Variants in ARHGEF38 observed in about 807,000 individuals in gnomAD.
ARHGEF38 encodes Rho guanine nucleotide exchange factor 38.
ARHGEF38 carries 79 observed loss-of-function variants against 79.9 expected under a neutral mutation model. The observed-to-expected ratio is 0.99, with a 90% CI of 0.82 to 1.19. The LOEUF is 1.19. Ranked by LOEUF, ARHGEF38 falls within the 50% of genes most tolerant of loss-of-function variation. The pLI, the probability that ARHGEF38 is intolerant of heterozygous loss-of-function variation, is 0.00. For synonymous variants in ARHGEF38, 366 were observed against 328.3 expected (o/e 1.11, Z -1.24); for missense variants, 962 against 907.2 (o/e 1.06, Z -0.78).
chr4:105,672,998 T>C (rs1248424347), intron 13 of ARHGEF38, among the ~76,000 whole-genome samples: 1 of 152,116 alleles, frequency 6.6e-6, no homozygotes, highest in Non-Finnish European at 1.5e-5. Context: ...AGAGGAGGCC[T>C]GAATGCACTT....
chr4:105,595,692 T>A (rs1727549012), intron 2 of ARHGEF38, among the ~76,000 whole-genome samples: 1 of 152,034 alleles, frequency 6.6e-6, no homozygotes, highest in Non-Finnish European at 1.5e-5. Flanking sequence ...AATGCAATGG[T>A]TACATTTACA....
Position 105,648,620 on chromosome 4 carries a change from A to G in ARHGEF38, c.946A>G (p.Ile316Val), listed in dbSNP as rs1729954251. 1.3e-6 allele frequency: 2 copies of G among 1,533,536 alleles called. No individual in the cohort carries two copies. The highest frequency in any genetic ancestry group is 1.4e-5 in the African/African-American group (1 of 73,084). 95.0% of individuals were successfully genotyped at this position (1,533,536 alleles called of 1,614,324 possible). ...ATTGTCTAAACTAAATATTCATTCA[A>G]TTAGCAAGAAATCAAAAAGAGTGAC... ...DKLSKLNIHSISKKSKRVTNH... is the reference protein window; with the variant it reads ...DKLSKLNIHSVSKKSKRVTNH... The change falls in exon 7 of 14, where the codon ATT (isoleucine) becomes GTT (valine). Residue 316 changes from isoleucine to valine, a missense_variant. Ile to Val is a conservative substitution (Grantham distance 29). Transcript: ENST00000420470.
intron 10 of ARHGEF38, among the ~76,000 whole-genome samples, chr4:105,661,965 A>G (rs964571413): frequency 1.3e-5 from 2 of 152,152 alleles, no homozygotes; most frequent in African/African-American, 2.4e-5. Flanking sequence ...TGTAGGACAG[A>G]TTTATAGAAA....
At chr4:105,609,240 A>G (rs1728183047) in intron 2 of ARHGEF38, among the ~76,000 whole-genome samples, 1 of 152,056 alleles carries the variant, frequency 6.6e-6, no homozygotes, top group Non-Finnish European at 1.5e-5. Context: ...AGAACCATGC[A>G]TTGAAAAGAC....
chr4:105,563,414 G>C (rs1725733192), intron 1 of ARHGEF38: 1 of 152,222 alleles, frequency 6.6e-6, no homozygotes, highest in Non-Finnish European at 1.5e-5. Flanking sequence ...GGAAGAGCAG[G>C]TACAAACACC....
Position 105,613,374 on chromosome 4 carries a change from G to C in ARHGEF38, c.385-10G>C, listed in dbSNP as rs56665838. ...CTTCTCCATCAGCTCAATGTTTTTTGTTTCTTCAGACTGATAGGCTGGATG... is the reference window on the plus strand; with the variant it reads ...CTTCTCCATCAGCTCAATGTTTTTTCTTTCTTCAGACTGATAGGCTGGATG... On this transcript the variant is annotated splice_polypyrimidine_tract_variant and intron_variant, in intron 2 of 13. Transcript: ENST00000420470. 0.011 allele frequency: 17,225 copies of C among 1,609,310 alleles called. 387 individuals carry two copies. Among genetic ancestry groups the C allele is most frequent in the African/African-American group, 0.095 (7,073 of 74,752 alleles).
chr4:105,587,424 A>G (rs939842693), intron 1 of ARHGEF38, among the ~76,000 whole-genome samples: 7 of 152,168 alleles, frequency 4.6e-5, no homozygotes, highest in African/African-American at 1.7e-4. Flanking sequence ...TGAATAGATT[A>G]TCTGTTCTTA....
chr4:105,667,553 C>T lies in ARHGEF38; in HGVS notation c.1998C>T (p.Ser666=), dbSNP rs1730797418. 2.6e-6 allele frequency: 4 copies of T among 1,536,556 alleles called. No homozygotes were observed. Among genetic ancestry groups the T allele is most frequent in the Non-Finnish European group, 3.5e-6 (4 of 1,147,054 alleles). The change falls in exon 13 of 14, where the codon AGC becomes AGT. Residue 666 remains serine, a synonymous_variant. Coordinates refer to ENST00000420470, the MANE Select transcript of ARHGEF38 (RefSeq NM_001242729.2). ...RFCDDDFENI[S]LFVSSRPASD... ...GTGACGATGATTTTGAGAACATCAG[C>T]CTCTTCGTGTCTTCACGGCCAGCTA...
intron 1 of ARHGEF38, among the ~76,000 whole-genome samples, chr4:105,575,988 A>C (rs776360333): frequency 2.6e-5 from 4 of 152,094 alleles, no homozygotes; most frequent in African/African-American, 9.7e-5. Context: ...TGGGTTCTCT[A>C]TTCTGTTCCC....
chr4:105,571,321 C>CTTTTTTTTTTTTT (rs34707064), intron 1 of ARHGEF38, among the ~76,000 whole-genome samples: 2 of 89,750 alleles, frequency 2.2e-5, no homozygotes, highest in African/African-American at 4.2e-5. Flanking sequence ...TTTTCTTTTT[C>CTTTTTTTTTTTTT]TTTTTTTTTT....
intron 10 of ARHGEF38, among the ~76,000 whole-genome samples, 171 bp downstream of exon 10, chr4:105,659,536 C>A (rs896930642): frequency 6.6e-6 from 1 of 152,086 alleles, no homozygotes; most frequent in Admixed American, 6.6e-5. Context: ...CTGTCTTATC[C>A]ATGGGAAACT....
chr4:105,620,167 T>C (rs1728681358), intron 3 of ARHGEF38, among the ~76,000 whole-genome samples: 1 of 152,214 alleles, frequency 6.6e-6, no homozygotes, highest in South Asian at 2.1e-4. Context: ...AAGCACAGTG[T>C]CTAGATAGGA....
chr4:105,588,983 GGCTAA>G (rs1306107403), intron 1 of ARHGEF38, among the ~76,000 whole-genome samples: 1 of 152,116 alleles, frequency 6.6e-6, no homozygotes, highest in Non-Finnish European at 1.5e-5. Context: ...CGGCTTTATA[GGCTAA>G]GCTACAACAA....
chr4:105,673,885 A>G (rs998031829), intron 13 of ARHGEF38, among the ~76,000 whole-genome samples: 1 of 152,164 alleles, frequency 6.6e-6, no homozygotes, highest in Admixed American at 6.5e-5. Flanking sequence ...TTGCTCCTGA[A>G]GGGTAAGAGA....
Position 105,667,643 on chromosome 4 carries a change from A to G in ARHGEF38, c.2088A>G (p.Thr696=). Reference sequence around the variant, plus strand: ...ATAGCAGCTCATCTCTTAGTGGCACATGTGGAAAGTTTGAAACAAATGGTA... The same window carrying G: ...ATAGCAGCTCATCTCTTAGTGGCACGTGTGGAAAGTTTGAAACAAATGGTA... ...IGDSSSSLSG[T]CGKFETNGTD... is the part of the protein sequence containing the mutation. Residue 696 remains threonine (T), a synonymous_variant, in exon 13 of 14, where the codon ACA becomes ACG. Transcript: ENST00000420470. 1 of 1,536,540 alleles carries G rather than the reference A, an allele frequency of 6.5e-7. No individual in the cohort carries two copies. Among genetic ancestry groups the G allele is most frequent in the Middle Eastern group, 1.7e-4 (1 of 5,992 alleles).
chr4:105,669,879 C>T (rs1373772645), intron 13 of ARHGEF38, among the ~76,000 whole-genome samples: 2 of 152,134 alleles, frequency 1.3e-5, no homozygotes, highest in African/African-American at 4.8e-5. Context: ...TTTGTATAAA[C>T]AAAATTGTAC....
intron 2 of ARHGEF38, among the ~76,000 whole-genome samples, chr4:105,612,419 T>A (rs1166921448): frequency 1.3e-5 from 2 of 152,106 alleles, no homozygotes; most frequent in African/African-American, 2.4e-5. Flanking sequence ...TACTCCTCCA[T>A]GAATTGATTA....
Position 105,573,106 on chromosome 4 carries a change from G to A in ARHGEF38, c.197-16142G>A, listed in dbSNP as rs547457720. Among the ~76,000 whole-genome samples, 18 of 152,190 alleles carry A rather than the reference G, an allele frequency of 1.2e-4. No individual in the cohort carries two copies. The South Asian group carries it at 3.7e-3, about 32-fold the overall frequency. On this transcript the variant is annotated intron_variant, in intron 1 of 13. Coordinates refer to ENST00000420470, the MANE Select transcript of ARHGEF38 (RefSeq NM_001242729.2). ...GGTTGTTTATTTTGTTGTTGTTATTGTTGAGTTTTGGAGCTCTTTCTACAT... is the reference window on the plus strand; with the variant it reads ...GGTTGTTTATTTTGTTGTTGTTATTATTGAGTTTTGGAGCTCTTTCTACAT...
intron 9 of ARHGEF38, among the ~76,000 whole-genome samples, chr4:105,658,004 A>G (rs1435233534): frequency 6.6e-6 from 1 of 152,228 alleles, no homozygotes; most frequent in Non-Finnish European, 1.5e-5. Flanking sequence ...AATGTAAAAC[A>G]GAAGAGAAAT....
Sources: gnomAD v4.1 joint callset for allele counts (sites outside exome capture counted in the v4.1 genomes callset) on GRCh38, gnomAD v4.1.1 for gene constraint, MANE v1.5 for transcripts, NCBI Gene and HGNC (gene_info 2026-07-23, HGNC 2026-07-21) for gene names.